IGF2R: variants seen among roughly 807,000 people sequenced by gnomAD.
IGF2R encodes the protein insulin like growth factor 2 receptor, also known as cation-independent mannose-6-phosphate receptor.
In IGF2R, 91 loss-of-function variants were observed where a neutral mutation model predicts 270.6. That is an observed-to-expected ratio of 0.34 (90% CI 0.28 to 0.40). The LOEUF (loss-of-function observed/expected upper bound fraction) is 0.40, where lower values mean the gene tolerates loss of function less well. Among genes scored for constraint, IGF2R ranks in the 10% least tolerant of loss-of-function variants. The pLI is 1.00. For missense variants in IGF2R, 2,805 were observed against 3,188.3 expected (o/e 0.88, Z 2.90); for synonymous variants, 1,316 against 1,258.9 (o/e 1.05, Z -0.96).
At chr6:160,001,985 G>A (rs1344162484) in intron 2 of IGF2R, among the ~76,000 whole-genome samples, 1 of 152,204 alleles carries the variant, frequency 6.6e-6, no homozygotes, top group Non-Finnish European at 1.5e-5. Flanking sequence ...ATAGCCTGCT[G>A]TTGATGGGAA....
chr6:160,042,771 G>A (rs892812008), intron 11 of IGF2R, among the ~76,000 whole-genome samples: 2 of 152,212 alleles, frequency 1.3e-5, no homozygotes, highest in African/African-American at 4.8e-5. Context: ...TAAGCGGGGT[G>A]TACTAGCAAT....
At chr6:160,029,800 A>G (rs1777655020) in intron 7 of IGF2R, 145 bp downstream of exon 7, 1 of 609,078 alleles carries the variant, frequency 1.6e-6, no homozygotes, top group East Asian at 2.8e-5. Flanking sequence ...TCTCAGGAGA[A>G]GACAAGCTTC....
intron 11 of IGF2R, among the ~76,000 whole-genome samples, chr6:160,042,483 G>A (rs1777967061): frequency 1.3e-5 from 2 of 152,166 alleles, no homozygotes; most frequent in Admixed American, 6.5e-5. Context: ...TGTTCGCCGT[G>A]TGGTTTGCTT....
intron 4 of IGF2R, among the ~76,000 whole-genome samples, chr6:160,023,622 G>A (rs779610653): frequency 6.6e-6 from 1 of 152,198 alleles, no homozygotes; most frequent in Admixed American, 6.5e-5. Flanking sequence ...AGGCATGGAG[G>A]TTAACTTCAT....
intron 3 of IGF2R, 31 bp from the exon 4 acceptor site, chr6:160,010,655 GT>G (rs777377266): frequency 8.2e-7 from 1 of 1,218,018 alleles, no homozygotes; most frequent in South Asian, 1.2e-5. Context: ...GTGTGGTATG[GT>G]AACATTATAA....
intron 1 of IGF2R, among the ~76,000 whole-genome samples, chr6:159,980,139 C>G (rs1055484563): frequency 6.6e-6 from 1 of 150,506 alleles, no homozygotes; most frequent in African/African-American, 2.5e-5. Flanking sequence ...TGAGATCGCA[C>G]CGCTGCACTC....
At chr6:160,012,764 T>TATATATATATATATATATATA (rs538085462) in intron 4 of IGF2R, among the ~76,000 whole-genome samples, 14 of 60,416 alleles carry the variant, frequency 2.3e-4, no homozygotes, top group East Asian at 7.5e-4. Flanking sequence ...TATATATATA[T>TATATATATATATATATATATA]TTTTTTTTTT....
rs996287343 is a variant in IGF2R at position 160,047,410 on chromosome 6, C to T, written c.2229+74C>T. 2.3e-5 allele frequency: 30 copies of T among 1,287,642 alleles called. No individual in the cohort carries two copies. The Admixed American group carries it at 6.4e-4, about 27-fold the overall frequency. 79.8% of individuals were successfully genotyped at this position (1,287,642 alleles called of 1,614,324 possible). A position where few individuals can be genotyped will look rare whatever the true frequency, so the allele number is the denominator to read the frequency against. On this transcript the variant is annotated intron_variant, in intron 16 of 47. Coordinates refer to ENST00000356956, the MANE Select transcript of IGF2R (RefSeq NM_000876.4). The stretch of plus-strand genomic sequence containing the variant: ...TGGTGGGCCTTTCATTTAAGCAGAG[C>T]TTGTATCAGTCTGGGTTTCCAGCCA...
At chr6:160,027,075 G>A in intron 5 of IGF2R, 110 bp from the exon 6 acceptor site, 1 of 1,228,980 alleles carries the variant, frequency 8.1e-7, no homozygotes, top group Non-Finnish European at 1.2e-6. Context: ...AGTTACTTAG[G>A]GAGACTTTTA....
Position 160,040,601 on chromosome 6 carries a change from G to C in IGF2R, c.1357G>C (p.Asp453His), listed in dbSNP as rs1171563414. ...KGTPVFTGEV[D>H]CTYFFTWDTE... ...AACTCCTGTATTCACAGGGGAGGTT[G>C]ACTGCACCTACTTCTTCACATGGGA... is the stretch of plus-strand genomic sequence containing the variant. The change falls in exon 11 of 48, where the codon GAC (aspartate) becomes CAC (histidine). Residue 453 changes from aspartate (D) to histidine (H), a missense_variant. Physicochemically the swap from Asp to His is moderately conservative, Grantham distance 81. This residue lies in a region of IGF2R where 954 missense variants were observed against 981.1 expected (regional missense o/e 0.97). Coordinates refer to ENST00000356956, the MANE Select transcript of IGF2R (RefSeq NM_000876.4). The C allele has an allele frequency of 1.9e-6, 3 of 1,614,156 alleles. No individual in the cohort carries two copies. Among genetic ancestry groups the C allele is most frequent in the Non-Finnish European group, 2.5e-6 (3 of 1,180,000 alleles).
chr6:160,068,005 C>T (rs1778621820), intron 29 of IGF2R, among the ~76,000 whole-genome samples: 1 of 150,826 alleles, frequency 6.6e-6, no homozygotes, highest in African/African-American at 2.5e-5. Flanking sequence ...TTAAGTGAGC[C>T]TAATAGTTTC....
rs1385115906 is a variant in IGF2R at position 160,107,085 on chromosome 6, A to G, written c.*2001A>G. 6.6e-6 allele frequency: 1 copy of G among 152,110 alleles called. No individual in the cohort carries two copies. Among genetic ancestry groups the G allele is most frequent in the Non-Finnish European group, 1.5e-5 (1 of 68,012 alleles). The allele number at this position is 152,110 out of a possible 1,614,324, so 9.4% of individuals were successfully genotyped here. On this transcript the variant is annotated 3_prime_UTR_variant, in exon 48 of 48. Coordinates refer to ENST00000356956, the MANE Select transcript of IGF2R (RefSeq NM_000876.4). ...ACCTCAACCGTCTCATTTTTAAATT[A>G]TCCAATTGGAGTTACCTTTTTAAAA...
chr6:160,081,763 G>A (rs947875381), intron 39 of IGF2R, among the ~76,000 whole-genome samples: 1 of 152,144 alleles, frequency 6.6e-6, no homozygotes, highest in Non-Finnish European at 1.5e-5. Flanking sequence ...AGAATTCAGC[G>A]ATATTTCTCT....
chr6:160,003,616 A>G (rs1784164580), intron 2 of IGF2R: 1 of 152,240 alleles, frequency 6.6e-6, no homozygotes, highest in Non-Finnish European at 1.5e-5. Context: ...ATTATATTAA[A>G]ACATAGCCAA....
At chr6:160,087,830 C>T (rs538783417) in intron 41 of IGF2R, among the ~76,000 whole-genome samples, 4 of 152,252 alleles carry the variant, frequency 2.6e-5, no homozygotes, top group Admixed American at 1.3e-4. Context: ...CACCTGCCAC[C>T]GTGCCCGAAT....
At position 160,009,073 on chromosome 6, in the gene IGF2R, A is replaced by T; in HGVS notation, c.353A>T (p.Asp118Val). The T allele has an allele frequency of 6.2e-7, 1 of 1,613,960 alleles. No homozygotes were observed. The highest frequency in any genetic ancestry group is 8.5e-7 in the Non-Finnish European group (1 of 1,179,858). ...GAATTCAACACAACAGTGAGCTGTG[A>T]CCAGCAAGGCACAAATCACAGAGTC... ...LLEFNTTVSCDQQGTNHRVQS... is the reference protein window; with the variant it reads ...LLEFNTTVSCVQQGTNHRVQS... The change falls in exon 3 of 48, where the codon GAC becomes GTC. Residue 118 changes from aspartate (D) to valine (V), a missense_variant. Physicochemically the swap from Asp to Val is radical, Grantham distance 152. This residue lies in a region of IGF2R where 954 missense variants were observed against 981.1 expected (regional missense o/e 0.97). Coordinates refer to ENST00000356956, the MANE Select transcript of IGF2R (RefSeq NM_000876.4).
intron 1 of IGF2R, among the ~76,000 whole-genome samples, chr6:159,969,797 C>A (rs1562326802): frequency 6.6e-6 from 1 of 152,194 alleles, no homozygotes; most frequent in Non-Finnish European, 1.5e-5. Flanking sequence ...ATCAGAGTTT[C>A]GCCAGCGGGG....
Position 160,080,263 on chromosome 6 carries a change from T to G in IGF2R, c.5821T>G (p.Phe1941Val). 3 of 1,614,026 alleles carry G rather than the reference T, an allele frequency of 1.9e-6. No individual in the cohort carries two copies. The South Asian group carries it at 3.3e-5, about 18-fold the overall frequency. ...CTACGACAGAGACCACGAGTGGGGC[T>G]TCTGCAGACACTGTGAGTAGGACGG... The part of the protein sequence containing the change: ...ADYDRDHEWG[F>V]CRHSNSYRTS... Residue 1941 changes from phenylalanine to valine, a missense_variant, in exon 39 of 48, where the codon TTC becomes GTC. Physicochemically the swap from Phe to Val is conservative, Grantham distance 50. Coordinates refer to ENST00000356956, the MANE Select transcript of IGF2R (RefSeq NM_000876.4).
chr6:159,969,614 G>A (rs1283537402), intron 1 of IGF2R, among the ~76,000 whole-genome samples: 1 of 152,126 alleles, frequency 6.6e-6, no homozygotes, highest in Non-Finnish European at 1.5e-5. Flanking sequence ...ACGCGGTCGT[G>A]GCGGTCCTGG....
Sources: gnomAD v4.1 joint callset for allele counts (sites outside exome capture counted in the v4.1 genomes callset) on GRCh38, gnomAD v4.1.1 for gene constraint, gnomAD v4.1.1 regional missense constraint, MANE v1.5 for transcripts, NCBI Gene and HGNC (gene_info 2026-07-23, HGNC 2026-07-21) for gene names.